The following STAU2 variants were observed in gnomAD, a reference collection of about 807,000 sequenced individuals.
The protein encoded by STAU2 is staufen double-stranded RNA binding protein 2, also known as double-stranded RNA-binding protein Staufen homolog 2.
A neutral mutation model predicts 65.9 loss-of-function variants in STAU2; 20 were observed. The observed-to-expected ratio is 0.30, with a 90% CI of 0.21 to 0.44. STAU2 has a LOEUF of 0.44. Ranked by LOEUF, STAU2 falls within the 20% of genes least tolerant of loss-of-function variation. The pLI is 1.00. For missense variants in STAU2, 558 were observed against 683.9 expected, an observed-to-expected ratio of 0.82 and a Z score of 2.05; for synonymous variants, 232 against 233.9, an observed-to-expected ratio of 0.99 and a Z score of 0.07.
intron 13 of STAU2, among the ~76,000 whole-genome samples, chr8:73,444,316 G>T (rs945220867): frequency 2.7e-5 from 4 of 150,874 alleles, no homozygotes; most frequent in African/African-American, 4.9e-5. Context: ...GGAGGCAGGA[G>T]AATCGCTTGA....
intron 12 of STAU2, among the ~76,000 whole-genome samples, chr8:73,555,914 T>C (rs1187327204): frequency 6.6e-6 from 1 of 152,174 alleles, no homozygotes; most frequent in Non-Finnish European, 1.5e-5. Flanking sequence ...CATGTGTTAG[T>C]TTTTTTATAA....
Position 73,685,246 on chromosome 8 carries a change from G to A in STAU2, c.274+3408C>T, listed in dbSNP as rs546493664. 5.4e-4 allele frequency among the ~76,000 whole-genome samples: 82 copies of A among 152,014 alleles called. No homozygotes were observed. The South Asian group carries it at 9.1e-3, about 17-fold the overall frequency. ...CCTCCTTTCCTTCATAAATTACCCA[G>A]AATCAGGAAGTTCTTTATAGCAGTG... On this transcript the variant is annotated intron_variant, in intron 5 of 14. Coordinates refer to ENST00000524300, the MANE Select transcript of STAU2 (RefSeq NM_001164380.2).
chr8:73,739,281 G>C (rs188690843), intron 2 of STAU2, among the ~76,000 whole-genome samples: 2 of 149,514 alleles, frequency 1.3e-5, no homozygotes, highest in Non-Finnish European at 3.0e-5. Context: ...TGCCAATGAA[G>C]GGCAGGAAAG....
intron 1 of STAU2, among the ~76,000 whole-genome samples, chr8:73,740,568 A>T (rs1340482452): frequency 1.3e-5 from 2 of 152,314 alleles, no homozygotes; most frequent in Admixed American, 6.5e-5. Context: ...GTATCTCATT[A>T]AAAAAATACA....
chr8:73,439,905 A>G (rs1818004860), intron 13 of STAU2: 1 of 152,316 alleles, frequency 6.6e-6, no homozygotes, highest in Non-Finnish European at 1.5e-5. Flanking sequence ...TGAATTCTGA[A>G]CTACCTATAT....
intron 12 of STAU2, chr8:73,561,566 G>A (rs751593438): frequency 2.0e-5 from 9 of 454,546 alleles, no homozygotes; most frequent in Admixed American, 2.4e-5. Flanking sequence ...CCAAAAAATG[G>A]ATTATATAAG....
chr8:73,571,715 A>T (rs1235923334), intron 12 of STAU2, among the ~76,000 whole-genome samples: 1 of 152,244 alleles, frequency 6.6e-6, no homozygotes, highest in African/African-American at 2.4e-5. Context: ...CAAAGACACA[A>T]CATACCAGAA....
chr8:73,489,620 C>G (rs13271172), intron 13 of STAU2, among the ~76,000 whole-genome samples: 76,808 of 151,856 alleles, frequency 0.51, 19,805 homozygotes, highest in Admixed American at 0.62. Flanking sequence ...GGTTTTAAAG[C>G]AATTGTCTAC....
intron 4 of STAU2, among the ~76,000 whole-genome samples, chr8:73,692,316 GC>G (rs1190716372): frequency 6.6e-6 from 1 of 151,624 alleles, no homozygotes; most frequent in Non-Finnish European, 1.5e-5. Flanking sequence ...TCCTACCTCA[GC>G]CCCCCAAGTA....
intron 6 of STAU2, among the ~76,000 whole-genome samples, chr8:73,661,680 T>C (rs957394552): frequency 1.3e-5 from 2 of 152,196 alleles, no homozygotes. Context: ...TCCACAAAAA[T>C]AGAATCTTAC....
At chr8:73,714,244 C>T (rs1821096264) in intron 3 of STAU2, among the ~76,000 whole-genome samples, 1 of 152,136 alleles carries the variant, frequency 6.6e-6, no homozygotes, top group African/African-American at 2.4e-5. Context: ...TCCCCTTTCT[C>T]TATTCTCTGC....
At chr8:73,620,187 T>C (rs940722353) in intron 6 of STAU2, among the ~76,000 whole-genome samples, 32 of 152,336 alleles carry the variant, frequency 2.1e-4, no homozygotes, top group African/African-American at 7.5e-4. Context: ...AATTCAATTT[T>C]CCCACCTCCA....
intron 1 of STAU2, among the ~76,000 whole-genome samples, chr8:73,743,177 C>A (rs895368118): frequency 6.6e-6 from 1 of 151,506 alleles, no homozygotes; most frequent in Non-Finnish European, 1.5e-5. Context: ...AGAAGTCTTA[C>A]GCCACAAACT....
chr8:73,572,531 C>T (rs1250052616), intron 12 of STAU2, among the ~76,000 whole-genome samples: 10 of 152,164 alleles, frequency 6.6e-5, no homozygotes, highest in Non-Finnish European at 1.2e-4. Context: ...TCCAGCAACA[C>T]ATCAAAAAGC....
chr8:73,561,573 T>C (rs931599791), intron 12 of STAU2: 6 of 454,036 alleles, frequency 1.3e-5, no homozygotes, highest in Non-Finnish European at 2.2e-5. Flanking sequence ...ATGGATTATA[T>C]AAGTCTGACA....
chr8:73,613,331 A>C (rs1386924265), intron 9 of STAU2, among the ~76,000 whole-genome samples: 1 of 152,204 alleles, frequency 6.6e-6, no homozygotes, highest in Non-Finnish European at 1.5e-5. Context: ...ACACTGGATT[A>C]GAGATCAGAG....
intron 3 of STAU2, among the ~76,000 whole-genome samples, chr8:73,709,367 T>C (rs1820731965): frequency 6.6e-6 from 1 of 152,096 alleles, no homozygotes; most frequent in Admixed American, 6.6e-5. Flanking sequence ...GTAAAATTTT[T>C]CCTAAGTACC....
At position 73,615,807 on chromosome 8, in the gene STAU2, A is replaced by C. The variant is rs755766913; in HGVS notation, c.571-25T>G. 3.9e-6 allele frequency: 6 copies of C among 1,530,288 alleles called. No homozygotes were observed. In the African/African-American group the frequency reaches 8.2e-5, roughly 21 times the overall value. 94.8% of individuals were successfully genotyped at this position (1,530,288 alleles called of 1,614,324 possible). A position where few individuals can be genotyped will look rare whatever the true frequency, so the allele number is the denominator to read the frequency against. On this transcript the variant is annotated intron_variant, in intron 7 of 14. Transcript: ENST00000524300. ...TCTAAATCACAAAAAATAGGATAAC[A>C]CTGAATCTTGACATTATAACAAACT...
chr8:73,565,508 A>C (rs1808537050), intron 12 of STAU2, among the ~76,000 whole-genome samples: 1 of 152,158 alleles, frequency 6.6e-6, no homozygotes, highest in African/African-American at 2.4e-5. Context: ...ACATTACACA[A>C]ATGCACAACA....
Sources: gnomAD v4.1 joint callset for allele counts (sites outside exome capture counted in the v4.1 genomes callset) on GRCh38, gnomAD v4.1.1 for gene constraint, MANE v1.5 for transcripts, NCBI Gene and HGNC (gene_info 2026-07-23, HGNC 2026-07-21) for gene names.